The following ZC3H13 variants were observed in gnomAD, a reference collection of about 807,000 sequenced individuals.
The protein encoded by ZC3H13 is zinc finger CCCH-type containing 13.
ZC3H13 carries 64 observed loss-of-function variants against 204.1 expected under a neutral mutation model. That is an observed-to-expected ratio of 0.31 (90% CI 0.26 to 0.39). ZC3H13 has a LOEUF of 0.39. Among genes scored for constraint, ZC3H13 ranks in the 10% least tolerant of loss-of-function variants. The probability of loss-of-function intolerance (pLI) is 1.00; values close to 1 mark genes in which losing one functional copy is unlikely to be tolerated. For synonymous variants in ZC3H13, 667 were observed against 693.7 expected (o/e 0.96, Z 0.60); for missense variants, 1,833 against 2,082.7 (o/e 0.88, Z 2.33).
At position 46,052,447 on chromosome 13, in the gene ZC3H13, C is replaced by A. The variant is rs1247701068; in HGVS notation, c.-53G>T. 14 of 396,666 alleles carry A rather than the reference C, an allele frequency of 3.5e-5. No homozygotes were observed. Among genetic ancestry groups the A allele is most frequent in the Non-Finnish European group, 5.3e-5 (12 of 225,138 alleles). 24.6% of individuals were successfully genotyped at this position (396,666 alleles called of 1,614,324 possible). ...TCGCAAGTGCAGTCCGGAGGCACCA[C>A]CGCCGCCGCCGCTCCGAGGAGCGGG... On this transcript the variant is annotated 5_prime_UTR_variant, in exon 1 of 19. Coordinates refer to ENST00000679008, the MANE Select transcript of ZC3H13 (RefSeq NM_001330564.2).
intron 5 of ZC3H13, among the ~76,000 whole-genome samples, chr13:46,018,159 A>G (rs779352219): frequency 6.8e-6 from 1 of 147,058 alleles, no homozygotes; most frequent in Non-Finnish European, 1.5e-5. Context: ...TTTTCAAGAA[A>G]ACAGGAGCTC....
intron 9 of ZC3H13, among the ~76,000 whole-genome samples, chr13:45,986,610 T>C (rs1027077800): frequency 9.2e-5 from 14 of 152,216 alleles, no homozygotes; most frequent in African/African-American, 1.7e-4. Flanking sequence ...AACCACTCTT[T>C]ACATATATTT....
intron 4 of ZC3H13, among the ~76,000 whole-genome samples, chr13:46,028,277 A>G (rs1032622954): frequency 2.6e-5 from 4 of 152,336 alleles, no homozygotes; most frequent in Admixed American, 1.3e-4. Context: ...GCAAAAATAC[A>G]TAACAATTCT....
chr13:45,996,189 T>C (rs1011837899), intron 8 of ZC3H13, among the ~76,000 whole-genome samples: 11 of 152,224 alleles, frequency 7.2e-5, no homozygotes, highest in Non-Finnish European at 1.2e-4. Context: ...AAAGAATATA[T>C]ACTAATATAA....
intron 4 of ZC3H13, among the ~76,000 whole-genome samples, chr13:46,032,497 T>C (rs7318648): frequency 0.33 from 50,335 of 151,774 alleles, 8,565 homozygotes; most frequent in Middle Eastern, 0.41. Context: ...TTCTATGAAA[T>C]TGGCAAAAAG....
chr13:46,008,907 T>C (rs1189034684), intron 7 of ZC3H13, among the ~76,000 whole-genome samples: 6 of 152,168 alleles, frequency 3.9e-5, no homozygotes, highest in Admixed American at 3.3e-4. Flanking sequence ...GAGGATCAAC[T>C]CAACTTTACT....
chr13:45,966,008 T>C (rs1489240540), intron 15 of ZC3H13, among the ~76,000 whole-genome samples: 5 of 152,170 alleles, frequency 3.3e-5, no homozygotes, highest in South Asian at 2.1e-4. Flanking sequence ...TCTTCTTGCA[T>C]TGATGAACAC....
chr13:46,052,425 C>G lies in ZC3H13; in HGVS notation c.-31G>C, dbSNP rs2044540425. 2.0e-5 allele frequency: 8 copies of G among 397,730 alleles called. No homozygotes were observed. The highest frequency in any genetic ancestry group is 3.5e-5 in the Non-Finnish European group (8 of 225,984). The allele number at this position is 397,730 out of a possible 1,614,324, so 24.6% of individuals were successfully genotyped here. On this transcript the variant is annotated 5_prime_UTR_variant, in exon 1 of 19. Transcript: ENST00000679008. ...TTACTTCCTCCCCAAGCTCCCTTCG[C>G]AAGTGCAGTCCGGAGGCACCACCGC...
At chr13:45,966,091 T>A (rs79108365) in intron 15 of ZC3H13, among the ~76,000 whole-genome samples, 1 of 152,162 alleles carries the variant, frequency 6.6e-6, no homozygotes, top group Non-Finnish European at 1.5e-5. Flanking sequence ...TCTATTTTTT[T>A]ATTTTACCAA....
At chr13:46,027,295 G>A (rs771104048) in intron 4 of ZC3H13, among the ~76,000 whole-genome samples, 2 of 152,028 alleles carry the variant, frequency 1.3e-5, no homozygotes, top group African/African-American at 4.8e-5. Flanking sequence ...TGTAGAGATG[G>A]GAGTTTTGCC....
At position 46,010,348 on chromosome 13, in the gene ZC3H13, C is replaced by T; in HGVS notation, c.746G>A (p.Arg249Lys). The change falls in exon 7 of 19, where the codon AGA becomes AAA. Residue 249 changes from arginine (R) to lysine (K), a missense_variant and splice_region_variant. By Grantham distance (26) the Arg-to-Lys change is conservative. This residue lies in a region of ZC3H13 where 1,574 missense variants were observed against 1,757.2 expected (regional missense o/e 0.90). Coordinates refer to ENST00000679008, the MANE Select transcript of ZC3H13 (RefSeq NM_001330564.2). ...CGATACTATTTATCACCCTACTGAC[C>T]TCTGCTGGTCCAACAGGGGAGAAGA... is the stretch of plus-strand genomic sequence containing the variant. ...AVSSPLLDQQ[R>K]NSKTNQSKKK... 1 of 1,608,390 alleles carries T rather than the reference C, an allele frequency of 6.2e-7. No homozygotes were observed. Among genetic ancestry groups the T allele is most frequent in the Non-Finnish European group, 8.5e-7 (1 of 1,175,734 alleles).
At chr13:46,015,439 T>C (rs1195165370) in intron 5 of ZC3H13, among the ~76,000 whole-genome samples, 1 of 152,182 alleles carries the variant, frequency 6.6e-6, no homozygotes, top group Non-Finnish European at 1.5e-5. Context: ...TACCATTTCA[T>C]CTGTTTTTAA....
chr13:45,968,150 T>C (rs1952250913), intron 14 of ZC3H13, 122 bp from the exon 15 acceptor site: 1 of 932,486 alleles, frequency 1.1e-6, no homozygotes, highest in East Asian at 2.6e-5. Context: ...TAACTTTCTA[T>C]GTTCCATATT....
intron 5 of ZC3H13, among the ~76,000 whole-genome samples, chr13:46,018,292 G>C (rs2138777873): frequency 6.6e-6 from 1 of 152,216 alleles, no homozygotes; most frequent in South Asian, 2.1e-4. Context: ...TGGGTCAGAA[G>C]ACTGAATAAT....
At chr13:46,003,112 T>C (rs2040866805) in intron 8 of ZC3H13, 27 bp downstream of exon 8, 1 of 1,593,998 alleles carries the variant, frequency 6.3e-7, no homozygotes, top group Admixed American at 1.8e-5. Context: ...AAAGTTAATA[T>C]TGTTAAAAAC....
At chr13:45,981,702 T>C (rs1439964262) in intron 10 of ZC3H13, among the ~76,000 whole-genome samples, 1 of 152,180 alleles carries the variant, frequency 6.6e-6, no homozygotes, top group Non-Finnish European at 1.5e-5. Context: ...TGGCATCTCA[T>C]TGTGGTTTTG....
At chr13:46,048,580 C>CAAAAAA (rs56753264) in intron 1 of ZC3H13, among the ~76,000 whole-genome samples, 5 of 38,650 alleles carry the variant, frequency 1.3e-4, no homozygotes, top group South Asian at 1.8e-3. Context: ...GACTCCGCCT[C>CAAAAAA]AAAAAAAAAA....
Position 45,964,040 on chromosome 13 carries a change from G to A in ZC3H13, c.4477C>T (p.Pro1493Ser). 1 of 1,606,310 alleles carries A rather than the reference G, an allele frequency of 6.2e-7. No individual in the cohort carries two copies. Among genetic ancestry groups the A allele is most frequent in the Non-Finnish European group, 8.5e-7 (1 of 1,177,698 alleles). ...CAATCCACATCTATCACATCTAAGG[G>A]ATCTGTAAAAAGTTAAAAAGTAAGA... ...DQQDEEKMPD[P>S]LDVIDVDWSG... The change falls in exon 17 of 19, where the codon CCC (proline) becomes TCC (serine). Residue 1493 changes from proline to serine, a missense_variant and splice_region_variant. Physicochemically the swap from Pro to Ser is moderately conservative, Grantham distance 74 (BLOSUM62 -1). This residue lies in a region of ZC3H13 where 211 missense variants were observed against 228.4 expected (regional missense o/e 0.92). Transcript: ENST00000679008.
chr13:46,035,091 G>A (rs1379335542), intron 4 of ZC3H13, among the ~76,000 whole-genome samples: 1 of 152,128 alleles, frequency 6.6e-6, no homozygotes, highest in African/African-American at 2.4e-5. Flanking sequence ...CTTGCTGTGT[G>A]TGCCAGTGTG....
Sources: allele counts gnomAD v4.1 joint callset (sites outside exome capture counted in the v4.1 genomes callset), GRCh38; gene constraint gnomAD v4.1.1; regional missense constraint gnomAD v4.1.1; transcripts MANE v1.5; gene names NCBI Gene and HGNC (gene_info 2026-07-23, HGNC 2026-07-21).